DCUN1D5: variants seen among roughly 807,000 people sequenced by gnomAD.
DCUN1D5 encodes DCN1-like protein 5.
In DCUN1D5, 10 loss-of-function variants were observed where a neutral mutation model predicts 38.3. That is an observed-to-expected ratio of 0.26 (90% confidence interval 0.16 to 0.44). The LOEUF is 0.44. Among genes scored for constraint, DCUN1D5 ranks in the 20% least tolerant of loss-of-function variants. DCUN1D5 has a pLI of 1.00. For synonymous variants in DCUN1D5, 93 were observed against 90.9 expected, an observed-to-expected ratio of 1.02 and a Z score of -0.13; for missense variants, 148 against 275.3, an observed-to-expected ratio of 0.54 and a Z score of 3.27.
In DCUN1D5 at chr11:103,061,327, T is replaced by C. The variant is rs904871891; in HGVS notation, c.*1032A>G. On this transcript the variant is annotated 3_prime_UTR_variant, in exon 8 of 8. Transcript: ENST00000260247. ...CATATCACTGGGATACTGGATGGTT[T>C]GAAAAGGAATGTACAAACAGGCCTG... Among the ~76,000 whole-genome samples the C allele has an allele frequency of 6.6e-6, 1 of 152,188 alleles. No homozygotes were observed. The highest frequency in any genetic ancestry group is 2.4e-5 in the African/African-American group (1 of 41,458).
At chr11:103,072,815 C>T (rs956120942) in intron 4 of DCUN1D5, among the ~76,000 whole-genome samples, 6 of 151,892 alleles carry the variant, frequency 4.0e-5, no homozygotes, top group Non-Finnish European at 7.4e-5. Flanking sequence ...ACATAAACGA[C>T]GAGCTAACGG....
intron 4 of DCUN1D5, among the ~76,000 whole-genome samples, chr11:103,080,987 G>A (rs1254516303): frequency 3.3e-5 from 5 of 150,382 alleles, no homozygotes; most frequent in South Asian, 2.1e-4. Flanking sequence ...GTAGCCTGGC[G>A]ACAAAGCAAG....
At position 103,091,586 on chromosome 11, in the gene DCUN1D5, A is replaced by C. The variant is rs926715004; in HGVS notation, c.86+201T>G. 1.2e-6 allele frequency: 1 copy of C among 869,498 alleles called. No homozygotes were observed. Among genetic ancestry groups the C allele is most frequent in the Non-Finnish European group, 1.8e-6 (1 of 564,382 alleles). 53.9% of individuals were successfully genotyped at this position (869,498 alleles called of 1,614,324 possible). A position where few individuals can be genotyped will look rare whatever the true frequency, so the allele number is the denominator to read the frequency against. ...TGGGCGGCTCTTCTAGTCTCTCCAT[A>C]AACGCCAGCGTGCACACACTCGAAC... On this transcript the variant is annotated intron_variant, in intron 1 of 7. Coordinates refer to ENST00000260247, the MANE Select transcript of DCUN1D5 (RefSeq NM_032299.4). This position sits in a 1 kb window ranked among gnomAD's most constrained non-coding sequence, Gnocchi z 4.3.
At position 103,063,373 on chromosome 11, in the gene DCUN1D5, C is replaced by T. The variant is rs576099358; in HGVS notation, c.658+902G>A. ...TGCTGATACAAAATACATAAATATA[C>T]ACATCTACGGGCCATATACAGCCTT... is the stretch of plus-strand genomic sequence containing the variant. On this transcript the variant is annotated intron_variant, in intron 7 of 7. Coordinates refer to ENST00000260247, the MANE Select transcript of DCUN1D5 (RefSeq NM_032299.4). The surrounding 1 kb of genome is among the most constrained non-coding windows in gnomAD (Gnocchi z 4.6). Among the ~76,000 whole-genome samples, 1 of 152,162 alleles carries T rather than the reference C, an allele frequency of 6.6e-6. No individual in the cohort carries two copies. The highest frequency in any genetic ancestry group is 2.1e-4 in the South Asian group (1 of 4,824).
At chr11:103,070,262 C>T (rs902311818) in intron 4 of DCUN1D5, among the ~76,000 whole-genome samples, 9 of 151,850 alleles carry the variant, frequency 5.9e-5, no homozygotes, top group Admixed American at 2.0e-4. Context: ...ACCAATAAGA[C>T]AGAGTGGATT....
In DCUN1D5 at chr11:103,071,562, T is replaced by C; in HGVS notation, c.342-4995A>G. 6.7e-6 allele frequency among the ~76,000 whole-genome samples: 1 copy of C among 149,792 alleles called. No homozygotes were observed. Among genetic ancestry groups the C allele is most frequent in the South Asian group, 2.1e-4 (1 of 4,792 alleles). ...TAGATATTTTATATCTATTGATTTA[T>C]ATAGATATAATCTATATCTATGTAA... On this transcript the variant is annotated intron_variant, in intron 4 of 7. Coordinates refer to ENST00000260247, the MANE Select transcript of DCUN1D5 (RefSeq NM_032299.4). This position sits in a 1 kb window ranked among gnomAD's most constrained non-coding sequence, Gnocchi z 4.1.
rs1257433869 is a variant in DCUN1D5, at chr11:103,063,536, G to A, written c.658+739C>T. ...TCTTCTGTTATTTTATTTTTTCAGT[G>A]TCACAGAAAAAAGTGTATAATTTCA... On this transcript the variant is annotated intron_variant, in intron 7 of 7. Transcript: ENST00000260247. The surrounding 1 kb of genome is among the most constrained non-coding windows in gnomAD (Gnocchi z 4.6). 6.6e-6 allele frequency among the ~76,000 whole-genome samples: 1 copy of A among 151,914 alleles called. No individual in the cohort carries two copies. The highest frequency in any genetic ancestry group is 1.5e-5 in the Non-Finnish European group (1 of 67,942).
Position 103,077,784 on chromosome 11 carries a change from T to C in DCUN1D5, c.341+4964A>G, listed in dbSNP as rs1178386598. On this transcript the variant is annotated intron_variant, in intron 4 of 7. Transcript: ENST00000260247. The surrounding 1 kb of genome is among the most constrained non-coding windows in gnomAD (Gnocchi z 4.3). ...AAGAATTGTGTCACAAAGTTCTGGA[T>C]TTAGAACTTCCTCTAAATAAGCTTT... Among the ~76,000 whole-genome samples the C allele has an allele frequency of 6.6e-6, 1 of 152,162 alleles. No individual in the cohort carries two copies. Among genetic ancestry groups the C allele is most frequent in the Non-Finnish European group, 1.5e-5 (1 of 68,018 alleles).
rs958519694 is a variant in DCUN1D5, at chr11:103,089,106, C to T, written c.178+121G>A. The T allele has an allele frequency of 2.6e-5, 23 of 886,898 alleles. No homozygotes were observed. In the African/African-American group the frequency reaches 3.9e-4, roughly 15 times the overall value. The allele number at this position is 886,898 out of a possible 1,614,324, so 54.9% of individuals were successfully genotyped here. On this transcript the variant is annotated intron_variant, in intron 2 of 7. Coordinates refer to ENST00000260247, the MANE Select transcript of DCUN1D5 (RefSeq NM_032299.4). ...TCTACCCACAATCTTCAGTCCTGACCCTCATCCCAGTACACAGCACTAACA... is the reference window on the plus strand; with the variant it reads ...TCTACCCACAATCTTCAGTCCTGACTCTCATCCCAGTACACAGCACTAACA...
chr11:103,066,755 A>G lies in DCUN1D5; in HGVS notation c.342-188T>C, dbSNP rs941371461. Among the ~76,000 whole-genome samples the G allele has an allele frequency of 2.0e-5, 3 of 152,154 alleles. No individual in the cohort carries two copies. The highest frequency in any genetic ancestry group is 2.0e-4 in the Admixed American group (3 of 15,278). On this transcript the variant is annotated intron_variant, in intron 4 of 7. Transcript: ENST00000260247. The surrounding 1 kb of genome is among the most constrained non-coding windows in gnomAD (Gnocchi z 4.7). ...CCTGCATCTACCAATGCAATAAAAA[A>G]AGAAAAAAGGGGAAAAAAGAAAACC...
At chr11:103,085,839 C>A (rs1401900467) in intron 2 of DCUN1D5, among the ~76,000 whole-genome samples, 1 of 152,212 alleles carries the variant, frequency 6.6e-6, no homozygotes, top group Non-Finnish European at 1.5e-5. Context: ...TGAGTTCACT[C>A]TACTCCACCA....
Position 103,061,072 on chromosome 11 carries a change from A to C in DCUN1D5, c.*1287T>G, listed in dbSNP as rs1193959695. ...CAATCATTTTTTTCCCAGCTGATTA[A>C]CTAAAAAGCAAACAATAAAACACTT... On this transcript the variant is annotated 3_prime_UTR_variant, in exon 8 of 8. Transcript: ENST00000260247. 6.6e-6 allele frequency among the ~76,000 whole-genome samples: 1 copy of C among 152,206 alleles called. No individual in the cohort carries two copies. Among genetic ancestry groups the C allele is most frequent in the African/African-American group, 2.4e-5 (1 of 41,466 alleles).
intron 4 of DCUN1D5, among the ~76,000 whole-genome samples, chr11:103,072,325 C>T (rs1862291455): frequency 7.5e-6 from 1 of 133,412 alleles, no homozygotes; most frequent in African/African-American, 3.2e-5. Flanking sequence ...GGTGATTCCT[C>T]AAGGATCTAG....
At position 103,058,586 on chromosome 11, in the gene DCUN1D5, T is replaced by G. The variant is rs371308903; in HGVS notation, c.*3773A>C. ...TTCCACCATACTAATCATAGGTCTATTAACAAAAAAGAACAAATCTTAAAC... is the reference window on the plus strand; with the variant it reads ...TTCCACCATACTAATCATAGGTCTAGTAACAAAAAAGAACAAATCTTAAAC... On this transcript the variant is annotated 3_prime_UTR_variant, in exon 8 of 8. Coordinates refer to ENST00000260247, the MANE Select transcript of DCUN1D5 (RefSeq NM_032299.4). Among the ~76,000 whole-genome samples, 65 of 152,230 alleles carry G rather than the reference T, an allele frequency of 4.3e-4. No individual in the cohort carries two copies. Among genetic ancestry groups the G allele is most frequent in the African/African-American group, 1.5e-3 (62 of 41,552 alleles).
At chr11:103,090,776 G>C (rs1215180603) in intron 1 of DCUN1D5, among the ~76,000 whole-genome samples, 1 of 152,140 alleles carries the variant, frequency 6.6e-6, no homozygotes, top group African/African-American at 2.4e-5. Context: ...GCAGGGCGTG[G>C]TGGCGGGCGC....
Position 103,066,322 on chromosome 11 carries a change from G to A in DCUN1D5, c.502C>T (p.Leu168Phe). 1.2e-6 allele frequency: 2 copies of A among 1,611,140 alleles called. No homozygotes were observed. The highest frequency in any genetic ancestry group is 1.7e-6 in the Non-Finnish European group (2 of 1,178,990). Residue 168 changes from leucine (L) to phenylalanine (F), a missense_variant, in exon 6 of 8, where the codon CTT (leucine) becomes TTT (phenylalanine). By Grantham distance (22) the Leu-to-Phe change is conservative. Transcript: ENST00000260247. The surrounding 1 kb of genome is among the most constrained non-coding windows in gnomAD (Gnocchi z 4.7). ...DIDTAKSMLA[L>F]LLGRTWPLFS... ...AGTGGCCATGTCCTCCCAAGCAGAAGAGCTAACATAGATTTAGCAGTATCA... is the reference window on the plus strand; with the variant it reads ...AGTGGCCATGTCCTCCCAAGCAGAAAAGCTAACATAGATTTAGCAGTATCA...
rs1305548901 is a variant in DCUN1D5, at chr11:103,073,691, TGGAA to T, written c.342-7128_342-7125del. Among the ~76,000 whole-genome samples the T allele has an allele frequency of 3.3e-5, 5 of 152,184 alleles. No homozygotes were observed. The highest frequency in any genetic ancestry group is 6.5e-5 in the Admixed American group (1 of 15,284). ...CTGACTTACATGTAAAATTTAATAA[TGGAA>T]GGCTTCTAGAAAAATACATGAGAAA... On this transcript the variant is annotated intron_variant, in intron 4 of 7. Coordinates refer to ENST00000260247, the MANE Select transcript of DCUN1D5 (RefSeq NM_032299.4). The surrounding 1 kb of genome is among the most constrained non-coding windows in gnomAD (Gnocchi z 4.2).
rs1861728751 is a variant in DCUN1D5, at chr11:103,051,473, T to A, written c.*10886A>T. Reference sequence around the variant, plus strand: ...AGTTCCAAAGTTTTTCTCCTGATCATGAGATTTGGTGGCTTCACATATTTA... The same window carrying A: ...AGTTCCAAAGTTTTTCTCCTGATCAAGAGATTTGGTGGCTTCACATATTTA... On this transcript the variant is annotated 3_prime_UTR_variant, in exon 8 of 8. Coordinates refer to ENST00000260247, the MANE Select transcript of DCUN1D5 (RefSeq NM_032299.4). 1 of 142,370 alleles carries A rather than the reference T, an allele frequency of 7.0e-6. No individual in the cohort carries two copies. The highest frequency in any genetic ancestry group is 1.5e-5 in the Non-Finnish European group (1 of 66,856). The allele number at this position is 142,370 out of a possible 1,614,324, so 8.8% of individuals were successfully genotyped here. A position where few individuals can be genotyped will look rare whatever the true frequency, so the allele number is the denominator to read the frequency against.
At position 103,076,981 on chromosome 11, in the gene DCUN1D5, G is replaced by A. The variant is rs191612369; in HGVS notation, c.341+5767C>T. On this transcript the variant is annotated intron_variant, in intron 4 of 7. Coordinates refer to ENST00000260247, the MANE Select transcript of DCUN1D5 (RefSeq NM_032299.4). ...TGGAAGGTCGAGGCGGGTGGATCAC[G>A]AGGTCAGGAGATCAAGACCATCCCG... Among the ~76,000 whole-genome samples, 972 of 152,206 alleles carry A rather than the reference G, an allele frequency of 6.4e-3. 8 individuals are homozygous for A. The highest frequency in any genetic ancestry group is 0.022 in the African/African-American group (912 of 41,528).
Sources: gnomAD v4.1 joint callset for allele counts (sites outside exome capture counted in the v4.1 genomes callset) on GRCh38, gnomAD v4.1.1 for gene constraint, Gnocchi (gnomAD v3.1) non-coding constraint, MANE v1.5 for transcripts, NCBI Gene and HGNC (gene_info 2026-07-23, HGNC 2026-07-21) for gene names.